The following TTC28 variants were observed in gnomAD, a reference collection of about 807,000 sequenced individuals.
TTC28 encodes tetratricopeptide repeat domain 28.
A neutral mutation model predicts 198.0 loss-of-function variants in TTC28; 61 were observed. The ratio of observed to expected loss-of-function variants is 0.31; its 90% CI spans 0.25 to 0.38. TTC28 has a LOEUF of 0.38. TTC28 is among the 10% of genes least tolerant of loss of function. The pLI is 1.00. For missense variants in TTC28, 2,678 were observed against 3,164.0 expected (o/e 0.85, Z 3.69); for synonymous variants, 1,171 against 1,297.8 (o/e 0.90, Z 2.10).
intron 6 of TTC28, among the ~76,000 whole-genome samples, chr22:28,149,841 T>C (rs1297872906): frequency 6.6e-6 from 1 of 152,210 alleles, no homozygotes; most frequent in Non-Finnish European, 1.5e-5. Context: ...CACAGCATGG[T>C]GACTGTAGTT....
At chr22:28,013,913 T>C (rs921760958) in intron 14 of TTC28, among the ~76,000 whole-genome samples, 3 of 152,148 alleles carry the variant, frequency 2.0e-5, no homozygotes, top group African/African-American at 7.2e-5. Context: ...CATCACTCTG[T>C]TGGGCAGGCT....
intron 5 of TTC28, among the ~76,000 whole-genome samples, chr22:28,289,464 G>A (rs16986257): frequency 0.022 from 3,222 of 149,488 alleles, 32 homozygotes; most frequent in Non-Finnish European, 0.027. Context: ...AAAGTAGACA[G>A]AAGGTTAGTC....
At chr22:28,660,091 A>G (rs2051718721) in intron 1 of TTC28, among the ~76,000 whole-genome samples, 1 of 152,206 alleles carries the variant, frequency 6.6e-6, no homozygotes, top group Non-Finnish European at 1.5e-5. Context: ...CACCACACAC[A>G]GCCTGAAATG....
intron 2 of TTC28, among the ~76,000 whole-genome samples, chr22:28,523,916 T>C (rs1035150377): frequency 1.3e-5 from 2 of 152,168 alleles, no homozygotes; most frequent in African/African-American, 4.8e-5. Flanking sequence ...CTCATATTTT[T>C]CTTCCTTTTC....
chr22:28,004,067 G>A (rs1461425037), intron 14 of TTC28, among the ~76,000 whole-genome samples: 4 of 152,230 alleles, frequency 2.6e-5, no homozygotes, highest in African/African-American at 4.8e-5. Context: ...ATTGTCAAAT[G>A]TAACACCTTC....
intron 13 of TTC28, among the ~76,000 whole-genome samples, chr22:28,019,958 G>A (rs922784740): frequency 2.6e-5 from 4 of 152,232 alleles, no homozygotes; most frequent in Admixed American, 6.5e-5. Context: ...GGCCTGCCAC[G>A]GCGGCCTCAC....
At chr22:28,676,232 T>C (rs2051987316) in intron 1 of TTC28, among the ~76,000 whole-genome samples, 3 of 152,164 alleles carry the variant, frequency 2.0e-5, no homozygotes, top group Admixed American at 1.3e-4. Flanking sequence ...TTGAAAACAC[T>C]GTGCCACGTG....
intron 2 of TTC28, among the ~76,000 whole-genome samples, chr22:28,454,932 A>G (rs144275697): frequency 6.6e-6 from 1 of 152,350 alleles, no homozygotes; most frequent in Non-Finnish European, 1.5e-5. Flanking sequence ...CTATCTGGCC[A>G]CCCATATGAA....
At chr22:28,278,809 A>C (rs1313999293) in intron 5 of TTC28, among the ~76,000 whole-genome samples, 5 of 152,154 alleles carry the variant, frequency 3.3e-5, no homozygotes, top group African/African-American at 1.2e-4. Context: ...GATAATGTGC[A>C]CTCCATTGAT....
At chr22:28,346,677 T>TAATA (rs991246238) in intron 2 of TTC28, among the ~76,000 whole-genome samples, 5 of 152,208 alleles carry the variant, frequency 3.3e-5, no homozygotes, top group African/African-American at 1.2e-4. Flanking sequence ...GGTGTACATT[T>TAATA]AATAGATCTC....
At chr22:28,341,489 A>C (rs901350555) in intron 2 of TTC28, among the ~76,000 whole-genome samples, 20 of 152,066 alleles carry the variant, frequency 1.3e-4, no homozygotes, top group African/African-American at 4.8e-4. Flanking sequence ...TCATCTTAAC[A>C]AAAAATAAAA....
chr22:28,247,687 A>C (rs1330452437), intron 5 of TTC28, among the ~76,000 whole-genome samples: 1 of 152,224 alleles, frequency 6.6e-6, no homozygotes, highest in African/African-American at 2.4e-5. Context: ...TAACTCTTAT[A>C]GAATGAGAAT....
chr22:28,629,691 T>A lies in TTC28; in HGVS notation c.242A>T (p.Tyr81Phe), dbSNP rs1323678062. The change falls in exon 2 of 23, where the codon TAT becomes TTT. Residue 81 changes from tyrosine to phenylalanine, a missense_variant. By Grantham distance (22) the Tyr-to-Phe change is conservative (BLOSUM62 3). Coordinates refer to ENST00000397906, the MANE Select transcript of TTC28 (RefSeq NM_001145418.2). ...AGGGTCAACAGCCAGGGCTTCATTATACAGAACAATAGCTGTGTGGAAATC... is the reference window on the plus strand; with the variant it reads ...AGGGTCAACAGCCAGGGCTTCATTAAACAGAACAATAGCTGTGTGGAAATC... ...DGDFHTAIVL[Y>F]NEALAVDPQN... The A allele has an allele frequency of 2.6e-6, 4 of 1,551,606 alleles. No homozygotes were observed. The highest frequency in any genetic ancestry group is 3.5e-6 in the Non-Finnish European group (4 of 1,147,016).
intron 2 of TTC28, among the ~76,000 whole-genome samples, chr22:28,559,617 T>A (rs1185551891): frequency 6.6e-6 from 1 of 152,204 alleles, no homozygotes; most frequent in African/African-American, 2.4e-5. Flanking sequence ...TAGTCCATCA[T>A]CCATCCTATA....
At chr22:28,197,778 A>G (rs1414904430) in intron 5 of TTC28, among the ~76,000 whole-genome samples, 1 of 151,946 alleles carries the variant, frequency 6.6e-6, no homozygotes, top group Non-Finnish European at 1.5e-5. Flanking sequence ...ACTTTGGGAG[A>G]TTGAGGTAGG....
chr22:28,084,852 T>C (rs1407561921), intron 12 of TTC28, among the ~76,000 whole-genome samples: 1 of 152,108 alleles, frequency 6.6e-6, no homozygotes, highest in Non-Finnish European at 1.5e-5. Context: ...GCATGAGAAC[T>C]ACGTGATGAA....
At chr22:28,195,925 G>C (rs1043211696) in intron 5 of TTC28, among the ~76,000 whole-genome samples, 2 of 151,994 alleles carry the variant, frequency 1.3e-5, no homozygotes, top group East Asian at 1.9e-4. Flanking sequence ...TCACAGAACT[G>C]GAAAAAACTA....
chr22:28,055,599 CACA>C (rs1940256144), intron 12 of TTC28, among the ~76,000 whole-genome samples: 1 of 152,134 alleles, frequency 6.6e-6, no homozygotes, highest in Non-Finnish European at 1.5e-5. Context: ...TTTTAAGGCT[CACA>C]ACAACTCTAT....
chr22:28,386,595 C>A (rs1347518987), intron 2 of TTC28, among the ~76,000 whole-genome samples: 9 of 152,074 alleles, frequency 5.9e-5, no homozygotes, highest in Non-Finnish European at 1.0e-4. Context: ...GGGTCAGACA[C>A]AGGTATTTCT....
Sources: gnomAD v4.1 joint callset for allele counts (sites outside exome capture counted in the v4.1 genomes callset) on GRCh38, gnomAD v4.1.1 for gene constraint, MANE v1.5 for transcripts, NCBI Gene and HGNC (gene_info 2026-07-23, HGNC 2026-07-21) for gene names.